PCDHGB7: variants seen among roughly 807,000 people sequenced by gnomAD.
PCDHGB7 encodes the protein protocadherin gamma-B7.
A neutral mutation model predicts 61.4 loss-of-function variants in PCDHGB7; 37 were observed. The ratio of observed to expected loss-of-function variants is 0.60; its 90% CI spans 0.46 to 0.79. The LOEUF (loss-of-function observed/expected upper bound fraction) is 0.79. PCDHGB7 is among the 30% of genes least tolerant of loss of function. The pLI is 0.00. For missense variants in PCDHGB7, 1,166 were observed against 1,202.5 expected (o/e 0.97, Z 0.45); for synonymous variants, 464 against 503.5 (o/e 0.92, Z 1.05).
intron 2 of PCDHGB7, among the ~76,000 whole-genome samples, chr5:141,501,301 ACAC>A (rs1380901086): frequency 6.6e-6 from 1 of 150,882 alleles, no homozygotes; most frequent in African/African-American, 2.4e-5. Context: ...ACACACACAC[ACAC>A]ACACACACAC....
At position 141,419,994 on chromosome 5, in the gene PCDHGB7, C is replaced by T. The variant is rs757658202; in HGVS notation, c.2135C>T (p.Ala712Val). 1.9e-6 allele frequency: 3 copies of T among 1,614,072 alleles called. No homozygotes were observed. Among genetic ancestry groups the T allele is most frequent in the East Asian group, 4.5e-5 (2 of 44,884 alleles). ...CTCCTCGCGGTGATTCTAGCTATTG[C>T]TCTACGCCTGCGACAGTCTTTCAGC... ...LFLLAVILAIALRLRQSFSPT... is the reference protein window; with the variant it reads ...LFLLAVILAIVLRLRQSFSPT... The change falls in exon 1 of 4, where the codon GCT (alanine) becomes GTT (valine). Residue 712 changes from alanine (A) to valine (V), a missense_variant. Coordinates refer to ENST00000398594, the MANE Select transcript of PCDHGB7 (RefSeq NM_018927.4).
At chr5:141,470,165 G>C (rs559578238) in intron 1 of PCDHGB7, among the ~76,000 whole-genome samples, 1 of 152,276 alleles carries the variant, frequency 6.6e-6, no homozygotes, top group Non-Finnish European at 1.5e-5. Context: ...TCAAATCAAA[G>C]TATGCAAAAT....
intron 1 of PCDHGB7, among the ~76,000 whole-genome samples, chr5:141,434,742 G>A (rs1177333213): frequency 6.6e-6 from 1 of 151,500 alleles, no homozygotes; most frequent in Non-Finnish European, 1.5e-5. Context: ...TGAAGGCTAT[G>A]AGACCCCTGA....
chr5:141,450,823 A>AT (rs1453980247), intron 1 of PCDHGB7, among the ~76,000 whole-genome samples: 4 of 133,078 alleles, frequency 3.0e-5, no homozygotes, highest in African/African-American at 1.2e-4. Context: ...TAATATTATT[A>AT]TTATTATTTT....
chr5:141,427,890 G>T lies in PCDHGB7; in HGVS notation c.2415+7616G>T, dbSNP rs1438515062. 1.9e-6 allele frequency: 3 copies of T among 1,566,844 alleles called. No homozygotes were observed. In the South Asian group the frequency reaches 3.3e-5, roughly 17 times the overall value. Reference sequence around the variant, plus strand: ...GCTCACGATGCAGGCCCACGACCAGGGCTCGCCCGCGCTCAGCGCCAACAT... The same window carrying T: ...GCTCACGATGCAGGCCCACGACCAGTGCTCGCCCGCGCTCAGCGCCAACAT... On this transcript the variant is annotated intron_variant, in intron 1 of 3. Transcript: ENST00000398594.
Position 141,419,114 on chromosome 5 carries a change from A to G in PCDHGB7, c.1255A>G (p.Asn419Asp). The change falls in exon 1 of 4, where the codon AAC becomes GAC. Residue 419 changes from asparagine (N) to aspartate (D), a missense_variant. Transcript: ENST00000398594. ...ALDREQTPEY[N>D]VTIAATDRGK... ...GGATCGGGAGCAGACCCCAGAGTAC[A>G]ACGTCACCATCGCAGCCACAGACAG... 1 of 1,613,926 alleles carries G rather than the reference A, an allele frequency of 6.2e-7. No individual in the cohort carries two copies.
chr5:141,453,317 G>A (rs1218359210), intron 1 of PCDHGB7, among the ~76,000 whole-genome samples: 1 of 151,178 alleles, frequency 6.6e-6, no homozygotes, highest in Non-Finnish European at 1.5e-5. Flanking sequence ...ATTTATTTTA[G>A]AGATGGGGTC....
chr5:141,445,048 A>G (rs1364884310), intron 1 of PCDHGB7, among the ~76,000 whole-genome samples: 4 of 152,234 alleles, frequency 2.6e-5, no homozygotes, highest in Non-Finnish European at 5.9e-5. Flanking sequence ...TTTTCAGTGT[A>G]GAGAGGTCAT....
chr5:141,470,828 C>A (rs1328067769), intron 1 of PCDHGB7, among the ~76,000 whole-genome samples: 1 of 151,994 alleles, frequency 6.6e-6, no homozygotes, highest in Non-Finnish European at 1.5e-5. Flanking sequence ...GTTAGGACGA[C>A]AAACACACGC....
At position 141,491,765 on chromosome 5, in the gene PCDHGB7, A is replaced by C; in HGVS notation, c.2416-3042A>C. 1 of 1,569,230 alleles carries C rather than the reference A, an allele frequency of 6.4e-7. No homozygotes were observed. On this transcript the variant is annotated intron_variant, in intron 1 of 3. Coordinates refer to ENST00000398594, the MANE Select transcript of PCDHGB7 (RefSeq NM_018927.4). This position sits in a 1 kb window ranked among gnomAD's most constrained non-coding sequence, Gnocchi z 6.9. The stretch of plus-strand genomic sequence containing the variant: ...GGCACTGGAGAAGCCGCCCGTCCTC[A>C]TAAGGGATTGAACTTGCATCCACTC...
In PCDHGB7 at chr5:141,489,633, T is replaced by C. The variant is rs1298084961; in HGVS notation, c.2416-5174T>C. On this transcript the variant is annotated intron_variant, in intron 1 of 3. Coordinates refer to ENST00000398594, the MANE Select transcript of PCDHGB7 (RefSeq NM_018927.4). The surrounding 1 kb of genome is among the most constrained non-coding windows in gnomAD (Gnocchi z 4.5). ...TCCTGGATCTCAATGACAACTCTCC[T>C]AGCTTTGCCACCCCTGAGCGAGAGA... The C allele has an allele frequency of 6.2e-7, 1 of 1,614,160 alleles. No individual in the cohort carries two copies. Among genetic ancestry groups the C allele is most frequent in the South Asian group, 1.1e-5 (1 of 91,086 alleles).
At chr5:141,444,129 T>C (rs897901109) in intron 1 of PCDHGB7, among the ~76,000 whole-genome samples, 3 of 147,096 alleles carry the variant, frequency 2.0e-5, no homozygotes, top group African/African-American at 5.0e-5. Context: ...TCTCAACAGA[T>C]ATGTGTCACT....
At chr5:141,439,207 C>A (rs1003519997) in intron 1 of PCDHGB7, among the ~76,000 whole-genome samples, 1 of 149,828 alleles carries the variant, frequency 6.7e-6, no homozygotes, top group Non-Finnish European at 1.5e-5. Context: ...AAAAAAAAAT[C>A]CATATGTGAA....
chr5:141,490,467 C>T lies in PCDHGB7; in HGVS notation c.2416-4340C>T. ...AGAACCACTACTCGCTGCTAACCAG[C>T]CAGCCTTTGGACCGGGAGGCCACAT... is the stretch of plus-strand genomic sequence containing the variant. On this transcript the variant is annotated intron_variant, in intron 1 of 3. Transcript: ENST00000398594. This position sits in a 1 kb window ranked among gnomAD's most constrained non-coding sequence, Gnocchi z 5.4. The T allele has an allele frequency of 6.2e-7, 1 of 1,614,216 alleles. No individual in the cohort carries two copies. The highest frequency in any genetic ancestry group is 8.5e-7 in the Non-Finnish European group (1 of 1,180,040).
In PCDHGB7 at chr5:141,491,272, A is replaced by G. The variant is rs2099710110; in HGVS notation, c.2416-3535A>G. On this transcript the variant is annotated intron_variant, in intron 1 of 3. Transcript: ENST00000398594. The surrounding 1 kb of genome is among the most constrained non-coding windows in gnomAD (Gnocchi z 6.9). The stretch of plus-strand genomic sequence containing the variant: ...GGACCCTGAGGAAATGCCCAAATCC[A>G]GTGACTTCCTCATACACCCTCCTGA... The G allele has an allele frequency of 1.2e-6, 2 of 1,614,084 alleles. No homozygotes were observed. Among genetic ancestry groups the G allele is most frequent in the Non-Finnish European group, 1.7e-6 (2 of 1,179,928 alleles).
Position 141,489,826 on chromosome 5 carries a change from C to T in PCDHGB7, c.2416-4981C>T, listed in dbSNP as rs1270077118. 1 of 1,614,186 alleles carries T rather than the reference C, an allele frequency of 6.2e-7. No individual in the cohort carries two copies. The highest frequency in any genetic ancestry group is 1.7e-5 in the Admixed American group (1 of 60,028). On this transcript the variant is annotated intron_variant, in intron 1 of 3. Coordinates refer to ENST00000398594, the MANE Select transcript of PCDHGB7 (RefSeq NM_018927.4). The surrounding 1 kb of genome is among the most constrained non-coding windows in gnomAD (Gnocchi z 4.5). ...TGGGAAGCCATTCCCAGAGCTGGTGCTAGAGCAGCAGCTGGATCGTGAAGC... is the reference window on the plus strand; with the variant it reads ...TGGGAAGCCATTCCCAGAGCTGGTGTTAGAGCAGCAGCTGGATCGTGAAGC...
At chr5:141,425,987 G>A (rs1304785231) in intron 1 of PCDHGB7, among the ~76,000 whole-genome samples, 1 of 152,188 alleles carries the variant, frequency 6.6e-6, no homozygotes, top group Non-Finnish European at 1.5e-5. Flanking sequence ...GAATCCCATT[G>A]AATTAGCAAA....
Position 141,419,616 on chromosome 5 carries a change from AC to A in PCDHGB7, c.1759del (p.Leu587TrpfsTer2). The A allele has an allele frequency of 6.2e-7, 1 of 1,612,204 alleles. No individual in the cohort carries two copies. Among genetic ancestry groups the A allele is most frequent in the Non-Finnish European group, 8.5e-7 (1 of 1,179,718 alleles). ...GTGCCGCGGGCCGCGCAGCCAGGCTACCTGGTGACCAAGGTGGTGGCCGTGG... is the reference window on the plus strand; with the variant it reads ...GTGCCGCGGGCCGCGCAGCCAGGCTACTGGTGACCAAGGTGGTGGCCGTGG... ...DTVPRAAQPG[Y>X]LVTKVVAVDA... On this transcript the variant is annotated frameshift_variant, in exon 1 of 4. Coordinates refer to ENST00000398594, the MANE Select transcript of PCDHGB7 (RefSeq NM_018927.4). LOFTEE classifies it high-confidence loss of function.
chr5:141,427,467 T>TC, intron 1 of PCDHGB7: 1 of 508,052 alleles, frequency 2.0e-6, no homozygotes. Flanking sequence ...AATCGAATCT[T>TC]CCGCCAATAA....
Sources: allele counts gnomAD v4.1 joint callset (sites outside exome capture counted in the v4.1 genomes callset), GRCh38; gene constraint gnomAD v4.1.1; non-coding constraint Gnocchi (gnomAD v3.1); transcripts MANE v1.5; gene names NCBI Gene and HGNC (gene_info 2026-07-23, HGNC 2026-07-21).